COL6A5: variants seen among roughly 807,000 people sequenced by gnomAD.
COL6A5 encodes collagen alpha-5(VI) chain.
A neutral mutation model predicts 65.6 loss-of-function variants in COL6A5; 48 were observed. That is an observed-to-expected ratio of 0.73 (90% CI 0.58 to 0.93). The LOEUF (loss-of-function observed/expected upper bound fraction) is 0.93, where lower values mean the gene tolerates loss of function less well. Ranked by LOEUF, COL6A5 falls within the 40% of genes least tolerant of loss-of-function variation. The pLI is 0.00. For synonymous variants in COL6A5, 291 were observed against 322.8 expected, an observed-to-expected ratio of 0.90 and a Z score of 1.05; for missense variants, 914 against 928.3, an observed-to-expected ratio of 0.98 and a Z score of 0.20.
rs1212089717 is a variant in COL6A5, at chr3:130,421,202, A to C, written c.5000A>C (p.Lys1667Thr). ...GGTCAGATGGGACGAAAAGGAGTAAAGGTAAATATGGAAATCAATTATTTT... is the reference window on the plus strand; with the variant it reads ...GGTCAGATGGGACGAAAAGGAGTAACGGTAAATATGGAAATCAATTATTTT... Residue 1667 changes from lysine to threonine, a missense_variant and splice_region_variant and NMD_transcript_variant, in exon 26 of 42, where the codon AAG (lysine) becomes ACG (threonine). Lys to Thr is a moderately conservative substitution (Grantham distance 78, BLOSUM62 -1). Coordinates refer to the COL6A5 transcript ENST00000312481. 3 of 1,550,690 alleles carry C rather than the reference A, an allele frequency of 1.9e-6. No homozygotes were observed. The highest frequency in any genetic ancestry group is 4.9e-5 in the East Asian group (2 of 40,892).
chr3:130,473,283 C>T (rs1459416295), intron 7 of COL6A5, among the ~76,000 whole-genome samples: 3 of 151,992 alleles, frequency 2.0e-5, no homozygotes, highest in Non-Finnish European at 4.4e-5. Flanking sequence ...TTCCCATTTT[C>T]CTTTCTCTTT....
chr3:130,408,276 G>A (rs1160150090), intron 17 of COL6A5, among the ~76,000 whole-genome samples: 1 of 150,392 alleles, frequency 6.6e-6, no homozygotes, highest in Non-Finnish European at 1.5e-5. Flanking sequence ...GTGTGGGGGT[G>A]GTGGCAGGGG....
chr3:130,349,487 T>TA (rs1934623623), intron 1 of COL6A5, among the ~76,000 whole-genome samples: 1 of 152,226 alleles, frequency 6.6e-6, no homozygotes, highest in South Asian at 2.1e-4. Flanking sequence ...TGCTAGTAGT[T>TA]ATGATTATGT....
exon 8 of COL6A5, chr3:130,395,383 T>G: frequency 1.3e-6 from 2 of 1,547,426 alleles, no homozygotes; most frequent in Non-Finnish European, 1.7e-6. Context: ...AAATAATCAC[T>G]TTTCAAGACT....
In COL6A5 at chr3:130,469,037, G is replaced by A. The variant is rs766502450; in HGVS notation, c.1789G>A (p.Gly597Ser). The A allele has an allele frequency of 4.3e-6, 7 of 1,612,770 alleles. No homozygotes were observed. The highest frequency in any genetic ancestry group is 5.9e-6 in the Non-Finnish European group (7 of 1,179,412). ...TGCTGTCCTGAGCTACTCTCCTCCA[G>A]GCTATATGCCTAACACTGAAGAATG... Residue 597 changes from glycine (G) to serine (S), a missense_variant, in exon 6 of 8, where the codon GGC becomes AGC. Gly to Ser is a moderately conservative substitution (Grantham distance 56). Transcript: ENST00000512836.
At chr3:130,454,055 A>G (rs1709509764) in intron 4 of COL6A5, among the ~76,000 whole-genome samples, 2 of 152,272 alleles carry the variant, frequency 1.3e-5, no homozygotes, top group Middle Eastern at 3.4e-3. Context: ...AAATATTATA[A>G]TGTTATTTAA....
intron 1 of COL6A5, among the ~76,000 whole-genome samples, chr3:130,436,314 C>A (rs988721707): frequency 1.3e-5 from 2 of 151,724 alleles, no homozygotes; most frequent in Non-Finnish European, 2.9e-5. Context: ...CTGGCAGAGA[C>A]CCTCTGTCTA....
At chr3:130,480,959 C>T (rs557559556) in intron 7 of COL6A5, among the ~76,000 whole-genome samples, 2 of 152,154 alleles carry the variant, frequency 1.3e-5, no homozygotes, top group Middle Eastern at 6.8e-3. Context: ...GCAGCTTAAG[C>T]CTGATCCTTC....
chr3:130,355,271 T>C (rs949637758), intron 1 of COL6A5, among the ~76,000 whole-genome samples: 2 of 151,990 alleles, frequency 1.3e-5, no homozygotes, highest in African/African-American at 4.8e-5. Context: ...AAAGCAAGAA[T>C]TACACTTCTT....
intron 7 of COL6A5, among the ~76,000 whole-genome samples, chr3:130,473,694 C>T (rs890949925): frequency 6.6e-6 from 1 of 151,984 alleles, no homozygotes; most frequent in Non-Finnish European, 1.5e-5. Flanking sequence ...AGTCATGCCC[C>T]AAAAGCAAGT....
At chr3:130,440,775 A>T (rs1335038668) in exon 3 of COL6A5, 4 of 1,613,150 alleles carry the variant, frequency 2.5e-6, no homozygotes, top group Non-Finnish European at 3.4e-6. Flanking sequence ...CATAAACCAG[A>T]TCTGAATTAT....
At chr3:130,469,420 C>T in exon 6 of COL6A5, 1 of 1,612,940 alleles carries the variant, frequency 6.2e-7, no homozygotes, top group Non-Finnish European at 8.5e-7. Context: ...TTGGCCGAAC[C>T]CACAAGCCAG....
chr3:130,443,381 T>C, intron 3 of COL6A5, 95 bp from the exon 36 acceptor site: 2 of 904,210 alleles, frequency 2.2e-6, no homozygotes, highest in South Asian at 3.1e-5. Context: ...TTAGTGACAT[T>C]AGTTGCTTCA....
At chr3:130,397,478 G>A (rs1936641966) in intron 8 of COL6A5, 105 bp from the exon 9 acceptor site, 5 of 792,064 alleles carry the variant, frequency 6.3e-6, no homozygotes, top group Non-Finnish European at 9.9e-6. Context: ...TTGGGGACTA[G>A]AGACCCTCTA....
intron 1 of COL6A5, among the ~76,000 whole-genome samples, chr3:130,432,358 T>G (rs1465786094): frequency 1.3e-5 from 2 of 151,992 alleles, no homozygotes; most frequent in Non-Finnish European, 1.5e-5. Flanking sequence ...ATCGAGACCA[T>G]CCTGGCCAAC....
chr3:130,385,118 A>C, exon 5 of COL6A5: 1 of 1,551,106 alleles, frequency 6.4e-7, no homozygotes, highest in South Asian at 1.2e-5. Flanking sequence ...AATGAAGGAT[A>C]GAATGAGCAA....
intron 1 of COL6A5, among the ~76,000 whole-genome samples, chr3:130,352,340 A>C (rs1335625899): frequency 6.6e-6 from 1 of 152,066 alleles, no homozygotes; most frequent in Non-Finnish European, 1.5e-5. Context: ...GGCAAGTGGC[A>C]ATGTTTGTGG....
chr3:130,391,151 T>G, intron 6 of COL6A5, 28 bp from the exon 7 acceptor site: 2 of 1,506,536 alleles, frequency 1.3e-6, no homozygotes, highest in Non-Finnish European at 1.8e-6. Context: ...GCAGAAAGTT[T>G]GTGACTCCTG....
At chr3:130,419,084 G>A (rs1937449869) in intron 25 of COL6A5, among the ~76,000 whole-genome samples, 153 bp downstream of exon 25, 1 of 152,064 alleles carries the variant, frequency 6.6e-6, no homozygotes, top group South Asian at 2.1e-4. Flanking sequence ...ACCCCCTAAA[G>A]CTCTCATTCC....
Sources: gnomAD v4.1 joint callset for allele counts (sites outside exome capture counted in the v4.1 genomes callset) on GRCh38, gnomAD v4.1.1 for gene constraint, MANE v1.5 for transcripts, NCBI Gene and HGNC (gene_info 2026-07-23, HGNC 2026-07-21) for gene names.